The following SNRPB variants were observed in gnomAD, a reference collection of about 807,000 sequenced individuals.
SNRPB encodes small nuclear ribonucleoprotein polypeptides B and B1.
SNRPB carries 5 observed loss-of-function variants against 26.6 expected under a neutral mutation model. The observed-to-expected ratio is 0.19, with a 90% CI of 0.10 to 0.39. The LOEUF is 0.39. Among genes scored for constraint, SNRPB ranks in the 10% least tolerant of loss-of-function variants. The probability of loss-of-function intolerance (pLI) is 1.00; values close to 1 mark genes in which losing one functional copy is unlikely to be tolerated. For synonymous variants in SNRPB, 122 were observed against 105.8 expected, an observed-to-expected ratio of 1.15 and a Z score of -0.94; for missense variants, 211 against 311.9, an observed-to-expected ratio of 0.68 and a Z score of 2.44.
At chr20:2,467,131 T>C (rs2122492568) in intron 2 of SNRPB, 1 of 342,440 alleles carries the variant, frequency 2.9e-6, no homozygotes, top group East Asian at 8.8e-5. Context: ...TCTCCAATTG[T>C]TTGTATAAAT....
intron 1 of SNRPB, 64 bp downstream of exon 1, chr20:2,470,624 G>A (rs1032481421): frequency 6.2e-7 from 1 of 1,606,382 alleles, no homozygotes; most frequent in East Asian, 2.2e-5. Flanking sequence ...TCCCCGATCA[G>A]TCGCGGTTCC....
chr20:2,470,592 G>A (rs765989649), intron 1 of SNRPB, 96 bp downstream of exon 1: 54 of 1,519,204 alleles, frequency 3.6e-5, no homozygotes, highest in African/African-American at 6.8e-5. Context: ...ACCGCCCTAA[G>A]TGGCTCCAAC....
chr20:2,464,571 G>A (rs1313426508), intron 3 of SNRPB, among the ~76,000 whole-genome samples: 2 of 152,212 alleles, frequency 1.3e-5, no homozygotes, highest in Non-Finnish European at 2.9e-5. Context: ...CTTTAAAAGT[G>A]TTGAGCAACT....
At position 2,469,346 on chromosome 20, in the gene SNRPB, G is replaced by A. The variant is rs144994362; in HGVS notation, c.3+1342C>T. On this transcript the variant is annotated intron_variant, in intron 1 of 6. Coordinates refer to ENST00000381342, the MANE Select transcript of SNRPB (RefSeq NM_003091.4). ...AGTCCCATCGAATATACATGCCAGA[G>A]CTAGAGCAATCTTTCTAAACACCAC... Among the ~76,000 whole-genome samples the A allele has an allele frequency of 2.3e-3, 355 of 152,256 alleles. 1 individual carries two copies. Among genetic ancestry groups the A allele is most frequent in the African/African-American group, 8.2e-3 (340 of 41,528 alleles).
In SNRPB at chr20:2,470,751, C is replaced by A. The variant is rs1218376122; in HGVS notation, c.-61G>T. 6.3e-7 allele frequency: 1 copy of A among 1,599,284 alleles called. No individual in the cohort carries two copies. The highest frequency in any genetic ancestry group is 1.7e-5 in the Admixed American group (1 of 59,804). On this transcript the variant is annotated 5_prime_UTR_variant, in exon 1 of 7. Transcript: ENST00000381342. ...TCGCCTCCTCAGAGGCCTAGCCTCT[C>A]TCCCACAGCCGATTTCCCGCCGCCG... is the stretch of plus-strand genomic sequence containing the variant.
Position 2,470,778 on chromosome 20 carries a change from T to G in SNRPB, c.-88A>C. 2 of 1,515,994 alleles carry G rather than the reference T, an allele frequency of 1.3e-6. No individual in the cohort carries two copies. Among genetic ancestry groups the G allele is most frequent in the Non-Finnish European group, 1.8e-6 (2 of 1,096,904 alleles). 93.9% of individuals were successfully genotyped at this position (1,515,994 alleles called of 1,614,324 possible). A position where few individuals can be genotyped will look rare whatever the true frequency, so the allele number is the denominator to read the frequency against. On this transcript the variant is annotated 5_prime_UTR_variant, in exon 1 of 7. Coordinates refer to ENST00000381342, the MANE Select transcript of SNRPB (RefSeq NM_003091.4). ...CCCACAGCCGATTTCCCGCCGCCGCTACCGGAAATGCAGCACCACGTAAAA... is the reference window on the plus strand; with the variant it reads ...CCCACAGCCGATTTCCCGCCGCCGCGACCGGAAATGCAGCACCACGTAAAA...
intron 3 of SNRPB, among the ~76,000 whole-genome samples, chr20:2,464,543 T>A (rs2085058584): frequency 6.6e-6 from 1 of 152,102 alleles, no homozygotes; most frequent in South Asian, 2.1e-4. Context: ...TTTGAGAAAA[T>A]CTCAGTCATT....
chr20:2,461,785 G>T lies in SNRPB; in HGVS notation c.*144C>A, dbSNP rs770663780. 33 of 1,612,602 alleles carry T rather than the reference G, an allele frequency of 2.0e-5. No individual in the cohort carries two copies. Among genetic ancestry groups the T allele is most frequent in the Admixed American group, 8.4e-5 (5 of 59,840 alleles). On this transcript the variant is annotated 3_prime_UTR_variant, in exon 7 of 7. Coordinates refer to ENST00000381342, the MANE Select transcript of SNRPB (RefSeq NM_003091.4). Reference sequence around the variant, plus strand: ...GGCCTTGGTGGGCGCATTCCCGGGGGAGGGGGCCCTGTAAGGGAAACCAGA... The same window carrying T: ...GGCCTTGGTGGGCGCATTCCCGGGGTAGGGGGCCCTGTAAGGGAAACCAGA...
chr20:2,468,989 G>A (rs1315668249), intron 1 of SNRPB, among the ~76,000 whole-genome samples: 1 of 152,186 alleles, frequency 6.6e-6, no homozygotes, highest in Non-Finnish European at 1.5e-5. Context: ...AGGTTAGGTG[G>A]TTCAGTTTCC....
intron 1 of SNRPB, among the ~76,000 whole-genome samples, chr20:2,468,111 A>ATG (rs1491078648): frequency 6.7e-6 from 1 of 149,470 alleles, no homozygotes; most frequent in Non-Finnish European, 1.5e-5. Flanking sequence ...GATTATAGAT[A>ATG]TGTGACTCAA....
At chr20:2,465,944 A>G (rs1275571176) in intron 2 of SNRPB, 125 bp from the exon 3 acceptor site, 4 of 686,378 alleles carry the variant, frequency 5.8e-6, no homozygotes, top group Non-Finnish European at 1.0e-5. Flanking sequence ...TTCCCAAGAT[A>G]GCCCTCCTGG....
intron 1 of SNRPB, among the ~76,000 whole-genome samples, chr20:2,470,230 C>A (rs2122497801): frequency 6.6e-6 from 1 of 152,340 alleles, no homozygotes; most frequent in East Asian, 1.9e-4. Flanking sequence ...ATCCAGCAGA[C>A]CTAGCGAGAC....
In SNRPB at chr20:2,465,689, G is replaced by T. The variant is rs761297261; in HGVS notation, c.267+19C>A. On this transcript the variant is annotated intron_variant, in intron 3 of 6. Coordinates refer to ENST00000381342, the MANE Select transcript of SNRPB (RefSeq NM_003091.4). ...AGTAGGGCCTCCCCTCCTCCACAAG[G>T]CTTCCTGCTCTGACTTACATCTTTG... 3.9e-6 allele frequency: 6 copies of T among 1,547,368 alleles called. No individual in the cohort carries two copies. The highest frequency in any genetic ancestry group is 4.5e-6 in the Non-Finnish European group (5 of 1,119,508).
At position 2,469,295 on chromosome 20, in the gene SNRPB, A is replaced by C. The variant is rs779569201; in HGVS notation, c.3+1393T>G. Among the ~76,000 whole-genome samples the C allele has an allele frequency of 3.4e-4, 52 of 152,246 alleles. 1 individual carries two copies. The highest frequency in any genetic ancestry group is 1.7e-3 in the Admixed American group (26 of 15,288). ...CCTATTCTAACCAGTTATCCAAACA[A>C]TATCCTACCAGGTTTCCCTGCTTCC... On this transcript the variant is annotated intron_variant, in intron 1 of 6. Transcript: ENST00000381342.
chr20:2,467,801 A>C (rs2085084593), intron 1 of SNRPB, 43 bp from the exon 2 acceptor site: 1 of 1,594,672 alleles, frequency 6.3e-7, no homozygotes, highest in Non-Finnish European at 8.6e-7. Context: ...GCTCTTTTGG[A>C]CCCAAGCACC....
chr20:2,465,574 T>C, intron 3 of SNRPB, 134 bp downstream of exon 3: 1 of 643,976 alleles, frequency 1.6e-6, no homozygotes, highest in Non-Finnish European at 2.7e-6. Flanking sequence ...CTCTTTAAGA[T>C]TTCATTTATT....
intron 1 of SNRPB, among the ~76,000 whole-genome samples, chr20:2,470,023 C>G (rs6049283): frequency 6.6e-6 from 1 of 152,096 alleles, no homozygotes; most frequent in Non-Finnish European, 1.5e-5. Context: ...TACCCCGCCC[C>G]GCTGCCGTTA....
chr20:2,464,428 A>T (rs2085057595), intron 3 of SNRPB, among the ~76,000 whole-genome samples: 1 of 152,230 alleles, frequency 6.6e-6, no homozygotes, highest in Non-Finnish European at 1.5e-5. Flanking sequence ...ATGGACTTTG[A>T]ACCAAGATAT....
In SNRPB at chr20:2,463,204, A is replaced by G; in HGVS notation, c.444T>C (p.Gly148=). ...CAGCAGCTGCAGCGGCTGCAACAGT[A>G]CCTCTTCCTTGTGGGGTCATCACCT... ...SQQVMTPQGR[G]TVAAAAAAAT... is the part of the protein sequence containing the mutation. Residue 148 remains glycine, a synonymous_variant, in exon 5 of 7, where the codon GGT becomes GGC. Transcript: ENST00000381342. The surrounding 1 kb of genome is among the most constrained non-coding windows in gnomAD (Gnocchi z 5.0). The G allele has an allele frequency of 6.2e-7, 1 of 1,612,948 alleles. No homozygotes were observed. Among genetic ancestry groups the G allele is most frequent in the Non-Finnish European group, 8.5e-7 (1 of 1,179,144 alleles).
Sources: allele counts gnomAD v4.1 joint callset (sites outside exome capture counted in the v4.1 genomes callset), GRCh38; gene constraint gnomAD v4.1.1; non-coding constraint Gnocchi (gnomAD v3.1); transcripts MANE v1.5; gene names NCBI Gene and HGNC (gene_info 2026-07-23, HGNC 2026-07-21).